Variants in DDHD1 observed in about 807,000 individuals in gnomAD.
DDHD1 encodes phospholipase DDHD1.
In DDHD1, 49 loss-of-function variants were observed where a neutral mutation model predicts 96.4. That is an observed-to-expected ratio of 0.51 (90% CI 0.40 to 0.64). The LOEUF (loss-of-function observed/expected upper bound fraction) is 0.64. Ranked by LOEUF, DDHD1 falls within the 30% of genes least tolerant of loss-of-function variation. DDHD1 has a pLI of 0.00. For missense variants in DDHD1, 1,106 were observed against 1,161.2 expected, an observed-to-expected ratio of 0.95 and a Z score of 0.69; for synonymous variants, 442 against 446.5, an observed-to-expected ratio of 0.99 and a Z score of 0.13.
rs2139788688 is a variant in DDHD1 at position 53,041,728 on chromosome 14, G to A, written c.*5040C>T. ...TTTTTCCTGGGTATTTTGAATCTGAGGCATAAACGGAAGTCTGTCCAGACC... is the reference window on the plus strand; with the variant it reads ...TTTTTCCTGGGTATTTTGAATCTGAAGCATAAACGGAAGTCTGTCCAGACC... On this transcript the variant is annotated 3_prime_UTR_variant, in exon 13 of 13. Transcript: ENST00000673822. The A allele has an allele frequency of 6.6e-6, 1 of 152,016 alleles. No homozygotes were observed. The highest frequency in any genetic ancestry group is 1.9e-4 in the East Asian group (1 of 5,182). The allele number at this position is 152,016 out of a possible 1,614,324, so 9.4% of individuals were successfully genotyped here.
rs199864462 is a variant in DDHD1, at chr14:53,055,763, C to A, written c.2142G>T (p.Glu714Asp). 5 of 1,614,098 alleles carry A rather than the reference C, an allele frequency of 3.1e-6. No homozygotes were observed. In the South Asian group the frequency reaches 4.4e-5, roughly 14 times the overall value. Residue 714 changes from glutamate (E) to aspartate (D), a missense_variant, in exon 10 of 13, where the codon GAG (glutamate) becomes GAT (aspartate). Glu to Asp is a conservative substitution (Grantham distance 45). Transcript: ENST00000673822. ...NPAKEPTSVS[E>D]NEGISTIPSP... ...TTGGTATGGTTGAAATGCCTTCATTCTCTGAAACTGAGGTAGGTTCTTTAG... is the reference window on the plus strand; with the variant it reads ...TTGGTATGGTTGAAATGCCTTCATTATCTGAAACTGAGGTAGGTTCTTTAG...
chr14:53,050,748 C>A (rs866402843), intron 12 of DDHD1, among the ~76,000 whole-genome samples: 1 of 151,860 alleles, frequency 6.6e-6, no homozygotes, highest in East Asian at 1.9e-4. Flanking sequence ...AAACAGGAAG[C>A]GCAAAAAGAA....
chr14:53,058,943 T>C (rs1338293197), intron 8 of DDHD1, among the ~76,000 whole-genome samples: 1 of 152,214 alleles, frequency 6.6e-6, no homozygotes, highest in Non-Finnish European at 1.5e-5. Flanking sequence ...ATACACTCGG[T>C]GCTGTGATAG....
At position 53,063,175 on chromosome 14, in the gene DDHD1, G is replaced by A; in HGVS notation, c.1534C>T (p.Arg512Ter). Reference protein sequence around the residue: ...LVKGLQQELNRLYSLFCSRNP... With the variant: ...LVKGLQQELN Reference sequence around the variant, plus strand: ...CGAGAACAGAAAAGGGAATACAATCGATTCAGCTCTTGCTGAAGGCCTTTA... The same window carrying A: ...CGAGAACAGAAAAGGGAATACAATCAATTCAGCTCTTGCTGAAGGCCTTTA... The change falls in exon 7 of 13, where the codon CGA becomes TGA. Residue 512 changes from arginine (R) to a stop codon, truncating the protein, a stop_gained. Transcript: ENST00000673822. LOFTEE classifies it high-confidence loss of function. The A allele has an allele frequency of 1.2e-6, 2 of 1,613,662 alleles. No individual in the cohort carries two copies. Among genetic ancestry groups the A allele is most frequent in the Non-Finnish European group, 1.7e-6 (2 of 1,179,922 alleles).
intron 6 of DDHD1, among the ~76,000 whole-genome samples, chr14:53,070,014 T>C (rs1595118415): frequency 6.6e-6 from 1 of 152,190 alleles, no homozygotes; most frequent in Admixed American, 6.5e-5. Context: ...GATAGTTATC[T>C]TTCCACATAT....
At chr14:53,140,463 G>A (rs1566603517) in intron 1 of DDHD1, among the ~76,000 whole-genome samples, 1 of 152,024 alleles carries the variant, frequency 6.6e-6, no homozygotes, top group Non-Finnish European at 1.5e-5. Context: ...CCTGGGAGGT[G>A]GAGGTTGCAG....
At chr14:53,091,472 G>T (rs1208478934) in intron 4 of DDHD1, among the ~76,000 whole-genome samples, 1 of 152,188 alleles carries the variant, frequency 6.6e-6, no homozygotes, top group Non-Finnish European at 1.5e-5. Context: ...AGAGTAAGAT[G>T]TAACTTAAAA....
chr14:53,070,347 C>T (rs1884411417), intron 6 of DDHD1, among the ~76,000 whole-genome samples: 1 of 152,108 alleles, frequency 6.6e-6, no homozygotes, highest in Non-Finnish European at 1.5e-5. Context: ...AACAATCTAC[C>T]AGTTGCCTAA....
At chr14:53,136,294 TTTGGTGGTCTC>T (rs1206608964) in intron 1 of DDHD1, among the ~76,000 whole-genome samples, 29 of 152,278 alleles carry the variant, frequency 1.9e-4, no homozygotes, top group African/African-American at 6.3e-4. Context: ...CAAAACCTGT[TTTGGTGGTCTC>T]TTCACACGGA....
chr14:53,086,149 T>C (rs956370668), intron 4 of DDHD1, among the ~76,000 whole-genome samples: 3 of 152,158 alleles, frequency 2.0e-5, no homozygotes, highest in Non-Finnish European at 2.9e-5. Context: ...TATGGGACTA[T>C]GTGAAAAGAC....
chr14:53,072,545 T>G (rs1166879478), intron 6 of DDHD1, 52 bp downstream of exon 6: 2 of 1,057,238 alleles, frequency 1.9e-6, no homozygotes, highest in Non-Finnish European at 2.7e-6. Flanking sequence ...TTCAGGACAT[T>G]TATAAGCTAT....
rs952847418 is a variant in DDHD1, at chr14:53,055,920, T to A, written c.1993-8A>T. 2.5e-5 allele frequency: 34 copies of A among 1,337,910 alleles called. No homozygotes were observed. The South Asian group carries it at 2.9e-4, about 11-fold the overall frequency. 82.9% of individuals were successfully genotyped at this position (1,337,910 alleles called of 1,614,324 possible). A position where few individuals can be genotyped will look rare whatever the true frequency, so the allele number is the denominator to read the frequency against. ...TGGTTCTAATCTATAAGCCTTGATT[T>A]AAAAAAAAAAATTCAAAGAAACACA... On this transcript the variant is annotated splice_region_variant and splice_polypyrimidine_tract_variant and intron_variant, in intron 9 of 12. Coordinates refer to ENST00000673822, the MANE Select transcript of DDHD1 (RefSeq NM_001160148.2).
At chr14:53,134,598 A>T (rs1409964340) in intron 1 of DDHD1, among the ~76,000 whole-genome samples, 4 of 67,082 alleles carry the variant, frequency 6.0e-5, no homozygotes, top group African/African-American at 1.9e-4. Context: ...ACTCACTGCT[A>T]AAAAAAAAAA....
In DDHD1 at chr14:53,103,074, A is replaced by G. The variant is rs139117103; in HGVS notation, c.1012+609T>C. On this transcript the variant is annotated intron_variant, in intron 2 of 12. Transcript: ENST00000673822. ...TGCCTGCAGTAAATGGAACAATAGA[A>G]GTATTTTTAACTTTACCACATATTT... 226 of 1,560,004 alleles carry G rather than the reference A, an allele frequency of 1.4e-4. 1 individual carries two copies. In the African/African-American group the frequency reaches 2.8e-3, roughly 19 times the overall value.
intron 1 of DDHD1, among the ~76,000 whole-genome samples, chr14:53,144,321 G>T (rs1484699419): frequency 6.6e-6 from 1 of 152,192 alleles, no homozygotes; most frequent in East Asian, 1.9e-4. Context: ...TTAAGCAAAG[G>T]CAAGTATCTT....
At chr14:53,113,257 G>A (rs1294801851) in intron 1 of DDHD1, among the ~76,000 whole-genome samples, 1 of 151,422 alleles carries the variant, frequency 6.6e-6, no homozygotes, top group African/African-American at 2.4e-5. Context: ...CATATGCCAC[G>A]ACGCCTGGCC....
chr14:53,152,120 G>A, intron 1 of DDHD1, 141 bp downstream of exon 1: 17 of 847,158 alleles, frequency 2.0e-5, no homozygotes, highest in South Asian at 1.1e-4. Flanking sequence ...GACGCTCCCT[G>A]CTCAATCTCC....
chr14:53,067,575 A>T (rs1044563551), intron 6 of DDHD1, among the ~76,000 whole-genome samples: 2 of 151,754 alleles, frequency 1.3e-5, no homozygotes, highest in African/African-American at 2.4e-5. Context: ...CTCCTGCCTC[A>T]GCCTCCCAAG....
rs773944921 is a variant in DDHD1, at chr14:53,040,261, A to G, written c.*6507T>C. 2.6e-5 allele frequency: 4 copies of G among 152,218 alleles called. No homozygotes were observed. Among genetic ancestry groups the G allele is most frequent in the South Asian group, 2.1e-4 (1 of 4,830 alleles). The allele number at this position is 152,218 out of a possible 1,614,324, so 9.4% of individuals were successfully genotyped here. A position where few individuals can be genotyped will look rare whatever the true frequency, so the allele number is the denominator to read the frequency against. ...AGAATATGCCTGTCTTTTCTAATAT[A>G]TAAGTGTACTTTATCCTCTGATGTT... On this transcript the variant is annotated 3_prime_UTR_variant, in exon 13 of 13. Transcript: ENST00000673822.
Sources: gnomAD v4.1 joint callset for allele counts (sites outside exome capture counted in the v4.1 genomes callset) on GRCh38, gnomAD v4.1.1 for gene constraint, MANE v1.5 for transcripts, NCBI Gene and HGNC (gene_info 2026-07-23, HGNC 2026-07-21) for gene names.